ARHGEF11: variants seen among roughly 807,000 people sequenced by gnomAD.
ARHGEF11 encodes Rho guanine nucleotide exchange factor 11, also known as Rho guanine exchange factor (GEF) 11.
Under a neutral mutation model 193.7 loss-of-function variants are expected in ARHGEF11, and 55 were observed. The ratio of observed to expected loss-of-function variants is 0.28; its 90% CI spans 0.23 to 0.36. The LOEUF is 0.36. ARHGEF11 is among the 10% of genes least tolerant of loss of function. ARHGEF11 has a pLI of 1.00. For missense variants in ARHGEF11, 1,723 were observed against 2,005.6 expected, an observed-to-expected ratio of 0.86 and a Z score of 2.69; for synonymous variants, 693 against 768.0, an observed-to-expected ratio of 0.90 and a Z score of 1.62.
chr1:157,031,691 C>T (rs1671328520), intron 1 of ARHGEF11, among the ~76,000 whole-genome samples: 1 of 152,160 alleles, frequency 6.6e-6, no homozygotes, highest in South Asian at 2.1e-4. Flanking sequence ...GGTCCCTGAA[C>T]CCAATTTCAA....
In ARHGEF11 at chr1:156,984,363, C is replaced by A; in HGVS notation, c.199G>T (p.Val67Phe). The A allele has an allele frequency of 6.3e-7, 1 of 1,594,328 alleles. No homozygotes were observed. The highest frequency in any genetic ancestry group is 8.5e-7 in the Non-Finnish European group (1 of 1,170,132). Residue 67 changes from valine to phenylalanine, a missense_variant, in exon 3 of 41, where the codon GTT becomes TTT. By Grantham distance (50) the Val-to-Phe change is conservative. This residue lies in a region of ARHGEF11 where 646 missense variants were observed against 710.7 expected (regional missense o/e 0.91). Coordinates refer to ENST00000368194, the MANE Select transcript of ARHGEF11 (RefSeq NM_198236.3). ...CCAGGCCGCACAGACTGCACCAGAA[C>A]AATGCGATCCCCACTGACTGTGAAG... ...FGFTVSGDRI[V>F]LVQSVRPGGA... is the part of the protein sequence containing the mutation.
intron 13 of ARHGEF11, among the ~76,000 whole-genome samples, chr1:156,962,817 T>C (rs1482578500): frequency 7.2e-6 from 1 of 139,732 alleles, no homozygotes; most frequent in African/African-American, 2.7e-5. Flanking sequence ...AGGCGGAGCT[T>C]GCAGTGAGCT....
At position 157,036,894 on chromosome 1, in the gene ARHGEF11, G is replaced by A. The variant is rs142759993; in HGVS notation, c.32+7405C>T. ...TAATCCCAGCACTGTGGGAGGTGGA[G>A]GCGGGCGGATCACCTGAGATCAGGA... is the stretch of plus-strand genomic sequence containing the variant. On this transcript the variant is annotated intron_variant, in intron 1 of 40. Coordinates refer to ENST00000368194, the MANE Select transcript of ARHGEF11 (RefSeq NM_198236.3). 2.5e-3 allele frequency among the ~76,000 whole-genome samples: 376 copies of A among 152,152 alleles called. 1 individual carries two copies. The highest frequency in any genetic ancestry group is 8.7e-3 in the African/African-American group (359 of 41,502).
intron 3 of ARHGEF11, 120 bp from the exon 4 acceptor site, chr1:156,980,606 T>G (rs537741692): frequency 8.7e-7 from 1 of 1,153,000 alleles, no homozygotes; most frequent in South Asian, 1.4e-5. Context: ...GTTAAGTATC[T>G]CAAATTCTGG....
Position 156,984,512 on chromosome 1 carries a change from G to A in ARHGEF11, c.125-75C>T. On this transcript the variant is annotated intron_variant, in intron 2 of 40. Coordinates refer to ENST00000368194, the MANE Select transcript of ARHGEF11 (RefSeq NM_198236.3). ...TGTACACATGCCAAGACCAACCCAGGGAAGCCCCAGTGCCTTTCTTCTTCA... is the reference window on the plus strand; with the variant it reads ...TGTACACATGCCAAGACCAACCCAGAGAAGCCCCAGTGCCTTTCTTCTTCA... 3 of 1,062,260 alleles carry A rather than the reference G, an allele frequency of 2.8e-6. No individual in the cohort carries two copies. The South Asian group carries it at 4.4e-5, about 16-fold the overall frequency. 65.8% of individuals were successfully genotyped at this position (1,062,260 alleles called of 1,614,324 possible). A position where few individuals can be genotyped will look rare whatever the true frequency, so the allele number is the denominator to read the frequency against.
intron 17 of ARHGEF11, among the ~76,000 whole-genome samples, chr1:156,958,106 G>A (rs1310421956): frequency 6.6e-6 from 1 of 152,152 alleles, no homozygotes; most frequent in East Asian, 1.9e-4. Flanking sequence ...TGTATGGAAT[G>A]GCTTAACCAA....
rs570020045 is a variant in ARHGEF11 at position 156,957,892 on chromosome 1, G to T, written c.1503-77C>A. On this transcript the variant is annotated intron_variant, in intron 17 of 40. Coordinates refer to ENST00000368194, the MANE Select transcript of ARHGEF11 (RefSeq NM_198236.3). ...CACCTGGTTAGAGGCTAGGAGGAGG[G>T]TAAGTTTTTCCTAGATGAAAGGAGG... The T allele has an allele frequency of 1.0e-4, 148 of 1,476,136 alleles. 1 individual carries two copies. Among genetic ancestry groups the T allele is most frequent in the South Asian group, 3.0e-4 (26 of 88,094 alleles). 91.4% of individuals were successfully genotyped at this position (1,476,136 alleles called of 1,614,324 possible). A position where few individuals can be genotyped will look rare whatever the true frequency, so the allele number is the denominator to read the frequency against.
intron 1 of ARHGEF11, among the ~76,000 whole-genome samples, chr1:157,032,748 T>C (rs1671455957): frequency 6.6e-6 from 1 of 152,226 alleles, no homozygotes; most frequent in Non-Finnish European, 1.5e-5. Flanking sequence ...CTTCCCTTGC[T>C]ACTGCCCAGA....
At chr1:156,953,045 A>C (rs918153749) in intron 21 of ARHGEF11, among the ~76,000 whole-genome samples, 25 of 152,278 alleles carry the variant, frequency 1.6e-4, no homozygotes, top group African/African-American at 5.5e-4. Context: ...AGATAGAGTT[A>C]TACCTTAGCT....
Position 156,934,877 on chromosome 1 carries a change from A to C in ARHGEF11, c.*1123T>G, listed in dbSNP as rs1323809682. The C allele has an allele frequency of 6.6e-6, 1 of 151,024 alleles. No homozygotes were observed. Among genetic ancestry groups the C allele is most frequent in the Non-Finnish European group, 1.5e-5 (1 of 67,820 alleles). The allele number at this position is 151,024 out of a possible 1,614,324, so 9.4% of individuals were successfully genotyped here. On this transcript the variant is annotated 3_prime_UTR_variant, in exon 41 of 41. Transcript: ENST00000368194. ...AACTTTTCTTAAAAAAAAAATCTTA[A>C]CCATGAAAGGAAGAAAATAAAAGAG... is the stretch of plus-strand genomic sequence containing the variant.
At chr1:156,993,663 G>A (rs750849756) in intron 1 of ARHGEF11, among the ~76,000 whole-genome samples, 1 of 152,102 alleles carries the variant, frequency 6.6e-6, no homozygotes, top group Non-Finnish European at 1.5e-5. Flanking sequence ...TATCTCCCAG[G>A]GTGGAGTTTT....
rs563858473 is a variant in ARHGEF11 at position 156,942,632 on chromosome 1, A to C, written c.3326+58T>G. The stretch of plus-strand genomic sequence containing the variant: ...GCCTTGCTACCCACTGTCCTCATAA[A>C]CACCACCCTGGTCCGAAAGGGACCA... On this transcript the variant is annotated intron_variant, in intron 33 of 40. Transcript: ENST00000368194. 103 of 1,534,918 alleles carry C rather than the reference A, an allele frequency of 6.7e-5. 1 individual carries two copies. The Admixed American group carries it at 7.3e-4, about 11-fold the overall frequency.
intron 1 of ARHGEF11, among the ~76,000 whole-genome samples, chr1:157,022,655 G>A (rs1240705194): frequency 1.3e-5 from 2 of 152,060 alleles, no homozygotes; most frequent in Non-Finnish European, 2.9e-5. Context: ...TTTTTTAATA[G>A]AAATTGACAA....
chr1:156,978,539 C>A (rs1161801238), intron 5 of ARHGEF11, among the ~76,000 whole-genome samples, 157 bp from the exon 6 acceptor site: 3 of 152,210 alleles, frequency 2.0e-5, no homozygotes, highest in Non-Finnish European at 2.9e-5. Flanking sequence ...ATTCTCTAAT[C>A]CCTGCCTTCA....
At position 156,939,745 on chromosome 1, in the gene ARHGEF11, C is replaced by G. The variant is rs756211464; in HGVS notation, c.3899G>C (p.Gly1300Ala). Residue 1300 changes from glycine to alanine, a missense_variant, in exon 37 of 41, where the codon GGT becomes GCT. Around this residue, in one of 5 missense-constraint regions of ARHGEF11, gnomAD observed 360 missense variants for 344.4 expected, o/e 1.05. Coordinates refer to ENST00000368194, the MANE Select transcript of ARHGEF11 (RefSeq NM_198236.3). ...TGCAAGCTGGGTGTTGTCCCCTTCA[C>G]CCCCAGGGGGTGCTTGCCCTGGGGA... ...PGSPGQAPPG[G>A]EGDNTQLAGL... is the part of the protein sequence containing the mutation. 4 of 1,613,954 alleles carry G rather than the reference C, an allele frequency of 2.5e-6. No homozygotes were observed. The highest frequency in any genetic ancestry group is 2.5e-6 in the Non-Finnish European group (3 of 1,179,994).
intron 35 of ARHGEF11, 55 bp downstream of exon 35, chr1:156,941,317 G>C: frequency 6.3e-7 from 1 of 1,575,758 alleles, no homozygotes; most frequent in South Asian, 1.1e-5. Flanking sequence ...CACCCAACCT[G>C]TGCCTACAGA....
intron 13 of ARHGEF11, among the ~76,000 whole-genome samples, chr1:156,962,878 C>CAA (rs59159449): frequency 0.014 from 294 of 21,246 alleles, 43 homozygotes; most frequent in East Asian, 0.035. Context: ...GACTCCGTCT[C>CAA]AAAAAAAAAA....
At chr1:156,940,044 C>A in intron 36 of ARHGEF11, 134 bp from the exon 37 acceptor site, 1 of 1,456,536 alleles carries the variant, frequency 6.9e-7, no homozygotes, top group Non-Finnish European at 9.2e-7. Flanking sequence ...GGCCAACTAG[C>A]TGGTGGGGGT....
At chr1:156,977,443 C>G (rs888135414) in intron 6 of ARHGEF11, among the ~76,000 whole-genome samples, 1 of 152,128 alleles carries the variant, frequency 6.6e-6, no homozygotes, top group Admixed American at 6.5e-5. Flanking sequence ...GATGGGGTCT[C>G]ACTCTGTCAC....
Sources: gnomAD v4.1 joint callset for allele counts (sites outside exome capture counted in the v4.1 genomes callset) on GRCh38, gnomAD v4.1.1 for gene constraint, gnomAD v4.1.1 regional missense constraint, MANE v1.5 for transcripts, NCBI Gene and HGNC (gene_info 2026-07-23, HGNC 2026-07-21) for gene names.